The following ENDOD1 variants were observed in gnomAD, a reference collection of about 807,000 sequenced individuals.
The protein encoded by ENDOD1 is endonuclease domain-containing 1 protein.
Under a neutral mutation model 6.5 loss-of-function variants are expected in ENDOD1, and 9 were observed. The observed-to-expected ratio is 1.39, with a 90% CI of 0.84 to 2.43. The LOEUF is 2.43. Ranked by LOEUF, ENDOD1 falls within the 30% of genes most tolerant of loss-of-function variation. The pLI is 0.00. For synonymous variants in ENDOD1, 255 were observed against 255.2 expected (o/e 1.00, Z 0.01); for missense variants, 648 against 635.5 (o/e 1.02, Z -0.21).
intron 1 of ENDOD1, among the ~76,000 whole-genome samples, chr11:95,097,797 G>A (rs1859001146): frequency 6.6e-6 from 1 of 152,214 alleles, no homozygotes; most frequent in African/African-American, 2.4e-5. Flanking sequence ...GTGAGAGAAA[G>A]GGAAGAGATG....
chr11:95,118,923 T>C (rs1859236697), intron 1 of ENDOD1, among the ~76,000 whole-genome samples: 1 of 152,240 alleles, frequency 6.6e-6, no homozygotes, highest in East Asian at 1.9e-4. Flanking sequence ...TTCTTTCTTC[T>C]GTTTGATCAG....
chr11:95,094,280 G>A (rs1185531739), intron 1 of ENDOD1, among the ~76,000 whole-genome samples: 1 of 151,934 alleles, frequency 6.6e-6, no homozygotes, highest in Non-Finnish European at 1.5e-5. Context: ...GGTTAACTGA[G>A]GTGTTTTAGG....
chr11:95,097,555 T>G (rs1200304711), intron 1 of ENDOD1, among the ~76,000 whole-genome samples: 2 of 152,166 alleles, frequency 1.3e-5, no homozygotes, highest in African/African-American at 4.8e-5. Context: ...GTGTGTGAAG[T>G]GGGAAGCAAT....
chr11:95,097,235 A>G (rs782771801), intron 1 of ENDOD1, among the ~76,000 whole-genome samples: 13 of 152,184 alleles, frequency 8.5e-5, no homozygotes, highest in Admixed American at 2.6e-4. Context: ...ATATCAAGGA[A>G]AAGGTGAAGT....
At chr11:95,111,836 A>G (rs1219182714) in intron 1 of ENDOD1, among the ~76,000 whole-genome samples, 2 of 152,144 alleles carry the variant, frequency 1.3e-5, no homozygotes, top group East Asian at 1.9e-4. Context: ...CTAAGATGCT[A>G]TGTCATGCAG....
chr11:95,098,345 C>G (rs537532116), intron 1 of ENDOD1, among the ~76,000 whole-genome samples: 58 of 152,236 alleles, frequency 3.8e-4, no homozygotes, highest in African/African-American at 1.3e-3. Flanking sequence ...ATTAAGTTTT[C>G]TTAATACGCA....
chr11:95,100,865 G>GTTTT (rs34680715), intron 1 of ENDOD1, among the ~76,000 whole-genome samples: 4,105 of 71,708 alleles, frequency 0.057, 124 homozygotes, highest in Non-Finnish European at 0.074. Flanking sequence ...CCTGCTGGGT[G>GTTTT]TTTTTTTTTT....
In ENDOD1 at chr11:95,129,740, C is replaced by A; in HGVS notation, c.*161C>A. On this transcript the variant is annotated 3_prime_UTR_variant, in exon 2 of 2. Coordinates refer to ENST00000278505, the MANE Select transcript of ENDOD1 (RefSeq NM_015036.3). ...AGAAGATGGCAGAATTTAGACTTGACAGAGGAGAAATGCTCAGGGTGAGAT... is the reference window on the plus strand; with the variant it reads ...AGAAGATGGCAGAATTTAGACTTGAAAGAGGAGAAATGCTCAGGGTGAGAT... 1 of 721,726 alleles carries A rather than the reference C, an allele frequency of 1.4e-6. No homozygotes were observed. The highest frequency in any genetic ancestry group is 2.2e-6 in the Non-Finnish European group (1 of 445,954). 44.7% of individuals were successfully genotyped at this position (721,726 alleles called of 1,614,324 possible). A position where few individuals can be genotyped will look rare whatever the true frequency, so the allele number is the denominator to read the frequency against.
At chr11:95,090,301 T>C (rs1858916689) in intron 1 of ENDOD1, 74 bp downstream of exon 1, 1 of 1,343,630 alleles carries the variant, frequency 7.4e-7, no homozygotes, top group Non-Finnish European at 9.5e-7. Context: ...CAGTTGCAGC[T>C]ACCGCGAGGG....
chr11:95,108,668 C>A (rs111446141), intron 1 of ENDOD1, among the ~76,000 whole-genome samples: 73 of 152,154 alleles, frequency 4.8e-4, no homozygotes, highest in African/African-American at 1.7e-3. Flanking sequence ...TTGGCACTTT[C>A]TTTCCTGAGA....
chr11:95,105,390 T>C (rs1303186913), intron 1 of ENDOD1, among the ~76,000 whole-genome samples: 2 of 152,268 alleles, frequency 1.3e-5, no homozygotes, highest in African/African-American at 4.8e-5. Flanking sequence ...ATGCTGTGTA[T>C]ATAGTTGTAA....
At chr11:95,128,057 G>A (rs113055245) in intron 1 of ENDOD1, among the ~76,000 whole-genome samples, 3 of 152,208 alleles carry the variant, frequency 2.0e-5, no homozygotes, top group African/African-American at 7.2e-5. Flanking sequence ...ACCGCACCTG[G>A]CCCCAGACTA....
At chr11:95,125,310 G>A (rs1400971826) in intron 1 of ENDOD1, among the ~76,000 whole-genome samples, 2 of 152,132 alleles carry the variant, frequency 1.3e-5, no homozygotes, top group African/African-American at 4.8e-5. Context: ...TTACACCCAA[G>A]TCTCCATAGA....
At position 95,104,413 on chromosome 11, in the gene ENDOD1, C is replaced by T. The variant is rs1859070311; in HGVS notation, c.300+14186C>T. Among the ~76,000 whole-genome samples the T allele has an allele frequency of 1.4e-5, 2 of 147,644 alleles. 1 individual carries two copies. Among genetic ancestry groups the T allele is most frequent in the South Asian group, 4.3e-4 (2 of 4,670 alleles). ...AGTGAGCTGAGGTCGCATCACTGCA[C>T]TCCAGCCTGGGCAACTGGAGTGAGA... On this transcript the variant is annotated intron_variant, in intron 1 of 1. Transcript: ENST00000278505.
rs971954811 is a variant in ENDOD1, at chr11:95,129,693, G to A, written c.*114G>A. ...TCATTATATTTTGGCCTTTGGTGGG[G>A]ATGTCTGCTTGTTTTTGCAAAAGAA... is the stretch of plus-strand genomic sequence containing the variant. On this transcript the variant is annotated 3_prime_UTR_variant, in exon 2 of 2. Coordinates refer to ENST00000278505, the MANE Select transcript of ENDOD1 (RefSeq NM_015036.3). 2.3e-5 allele frequency: 27 copies of A among 1,188,010 alleles called. No individual in the cohort carries two copies. Among genetic ancestry groups the A allele is most frequent in the Non-Finnish European group, 2.9e-5 (25 of 847,750 alleles). 73.6% of individuals were successfully genotyped at this position (1,188,010 alleles called of 1,614,324 possible). A position where few individuals can be genotyped will look rare whatever the true frequency, so the allele number is the denominator to read the frequency against.
At chr11:95,101,364 C>A (rs1488545498) in intron 1 of ENDOD1, among the ~76,000 whole-genome samples, 1 of 152,126 alleles carries the variant, frequency 6.6e-6, no homozygotes, top group Non-Finnish European at 1.5e-5. Flanking sequence ...GAACAGTGAG[C>A]ACTTGGCAAA....
At chr11:95,100,457 T>C (rs1056499728) in intron 1 of ENDOD1, among the ~76,000 whole-genome samples, 8 of 152,124 alleles carry the variant, frequency 5.3e-5, no homozygotes, top group African/African-American at 1.9e-4. Context: ...TGCAGGTCTT[T>C]AACTCTGGCC....
rs1859359342 is a variant in ENDOD1, at chr11:95,130,340, C to T, written c.*761C>T. ...TTTTCTTTTCTTTTTTTTTTGGGCC[C>T]CTTGAATGGTATAATACAGTCCTCT... On this transcript the variant is annotated 3_prime_UTR_variant, in exon 2 of 2. Coordinates refer to ENST00000278505, the MANE Select transcript of ENDOD1 (RefSeq NM_015036.3). 6.7e-6 allele frequency: 1 copy of T among 150,240 alleles called. No individual in the cohort carries two copies. The highest frequency in any genetic ancestry group is 2.4e-5 in the African/African-American group (1 of 40,882). The allele number at this position is 150,240 out of a possible 1,614,324, so 9.3% of individuals were successfully genotyped here. A position where few individuals can be genotyped will look rare whatever the true frequency, so the allele number is the denominator to read the frequency against.
chr11:95,118,235 C>A (rs1284926048), intron 1 of ENDOD1, among the ~76,000 whole-genome samples: 1 of 152,104 alleles, frequency 6.6e-6, no homozygotes, highest in Non-Finnish European at 1.5e-5. Flanking sequence ...ATATTCTGTG[C>A]AGTTACTATT....
Sources: allele counts gnomAD v4.1 joint callset (sites outside exome capture counted in the v4.1 genomes callset), GRCh38; gene constraint gnomAD v4.1.1; transcripts MANE v1.5; gene names NCBI Gene and HGNC (gene_info 2026-07-23, HGNC 2026-07-21).